The following SLC9B2 variants were observed in gnomAD, a reference collection of about 807,000 sequenced individuals.
SLC9B2 encodes the protein solute carrier family 9 member B2.
Under a neutral mutation model 52.2 loss-of-function variants are expected in SLC9B2, and 39 were observed. That is an observed-to-expected ratio of 0.75 (90% CI 0.58 to 0.98). SLC9B2 has a LOEUF of 0.98. SLC9B2 is among the 50% of genes least tolerant of loss of function. The pLI is 0.00. For synonymous variants in SLC9B2, 214 were observed against 227.0 expected, an observed-to-expected ratio of 0.94 and a Z score of 0.51; for missense variants, 626 against 637.5, an observed-to-expected ratio of 0.98 and a Z score of 0.19.
At position 103,026,120 on chromosome 4, in the gene SLC9B2, G is replaced by C. The variant is rs995390631; in HGVS notation, c.*250C>G. 2.8e-6 allele frequency: 1 copy of C among 363,540 alleles called. No individual in the cohort carries two copies. Among genetic ancestry groups the C allele is most frequent in the African/African-American group, 2.1e-5 (1 of 48,408 alleles). 22.5% of individuals were successfully genotyped at this position (363,540 alleles called of 1,614,324 possible). On this transcript the variant is annotated 3_prime_UTR_variant, in exon 12 of 12. Coordinates refer to ENST00000394785, the MANE Select transcript of SLC9B2 (RefSeq NM_178833.7). ...TAAACTGTGGTAGTACATTAAAGTA[G>C]ATATGTCCTTATGCAAATTAAGATG...
chr4:103,020,970 T>C (rs907550666), downstream of SLC9B2, among the ~76,000 whole-genome samples: 2 of 152,210 alleles, frequency 1.3e-5, no homozygotes, highest in African/African-American at 4.8e-5. Context: ...CAACGTGTTA[T>C]AGACATCTCA....
At chr4:103,069,699 C>T (rs925010027) in intron 1 of SLC9B2, among the ~76,000 whole-genome samples, 4 of 152,176 alleles carry the variant, frequency 2.6e-5, no homozygotes, top group African/African-American at 7.2e-5. Flanking sequence ...ACTTCTTGAT[C>T]AGGTGGATGT....
At chr4:103,050,995 A>G (rs927033281) in intron 4 of SLC9B2, among the ~76,000 whole-genome samples, 1 of 152,164 alleles carries the variant, frequency 6.6e-6, no homozygotes, top group African/African-American at 2.4e-5. Context: ...CATTTCAACA[A>G]GCTTTCAGCC....
chr4:103,052,993 C>T (rs563363919), intron 4 of SLC9B2, among the ~76,000 whole-genome samples: 29 of 152,176 alleles, frequency 1.9e-4, no homozygotes, highest in African/African-American at 6.3e-4. Context: ...CTAGGGCCTC[C>T]CCTGGTCATG....
intron 9 of SLC9B2, among the ~76,000 whole-genome samples, chr4:103,033,198 T>G (rs1464482084): frequency 6.6e-6 from 1 of 151,566 alleles, no homozygotes; most frequent in Non-Finnish European, 1.5e-5. Flanking sequence ...ACCAAAAAAG[T>G]GACAAACTAG....
intron 4 of SLC9B2, among the ~76,000 whole-genome samples, chr4:103,054,848 G>A (rs934173564): frequency 2.0e-5 from 3 of 152,120 alleles, no homozygotes; most frequent in Non-Finnish European, 1.5e-5. Context: ...CAGGGATCTA[G>A]AACTAGAAAT....
intron 3 of SLC9B2, among the ~76,000 whole-genome samples, chr4:103,061,337 T>C (rs905746193): frequency 2.0e-5 from 3 of 152,132 alleles, no homozygotes; most frequent in African/African-American, 7.2e-5. Flanking sequence ...TCATAAAAAA[T>C]GATGAGTTCA....
chr4:103,043,504 G>T, intron 8 of SLC9B2, 59 bp from the exon 9 acceptor site: 2 of 1,463,448 alleles, frequency 1.4e-6, no homozygotes, highest in Non-Finnish European at 1.9e-6. Flanking sequence ...TTTAATGATT[G>T]ATTTTTTCCA....
intron 5 of SLC9B2, 30 bp from the exon 6 acceptor site, chr4:103,049,050 A>G: frequency 6.2e-7 from 1 of 1,608,312 alleles, no homozygotes; most frequent in Non-Finnish European, 8.5e-7. Flanking sequence ...ATCCTAATAT[A>G]ATCCTCTGAA....
intron 10 of SLC9B2, among the ~76,000 whole-genome samples, chr4:103,029,925 T>C (rs1048449238): frequency 2.0e-5 from 3 of 152,152 alleles, no homozygotes; most frequent in Non-Finnish European, 1.5e-5. Context: ...CAGACAGACA[T>C]AGCGGGAGGA....
Position 103,050,382 on chromosome 4 carries a change from C to T in SLC9B2, c.443G>A (p.Gly148Asp). The stretch of plus-strand genomic sequence containing the variant: ...GATGAGAAACCCTGCAAGCAGCATG[C>T]CTTGAACGAAGAAATCAAACATATC... ...PTLPPLPSLLGMLLAGFLIRN... is the reference protein window; with the variant it reads ...PTLPPLPSLLDMLLAGFLIRN... The change falls in exon 5 of 12, where the codon GGC (glycine) becomes GAC (aspartate). Residue 148 changes from glycine (G) to aspartate (D), a missense_variant and splice_region_variant. Gly to Asp is a moderately conservative substitution (Grantham distance 94). Transcript: ENST00000394785. The T allele has an allele frequency of 1.3e-6, 2 of 1,573,254 alleles. No homozygotes were observed. Among genetic ancestry groups the T allele is most frequent in the Non-Finnish European group, 1.7e-6 (2 of 1,164,462 alleles).
Position 103,026,092 on chromosome 4 carries a change from C to T in SLC9B2, c.*278G>A, listed in dbSNP as rs1578434654. 1 of 235,468 alleles carries T rather than the reference C, an allele frequency of 4.2e-6. No homozygotes were observed. Among genetic ancestry groups the T allele is most frequent in the East Asian group, 8.6e-5 (1 of 11,670 alleles). The allele number at this position is 235,468 out of a possible 1,614,324, so 14.6% of individuals were successfully genotyped here. A position where few individuals can be genotyped will look rare whatever the true frequency, so the allele number is the denominator to read the frequency against. ...CTGAAGCTGGTCTTTCCCACATTAA[C>T]TGTAAACTGTGGTAGTACATTAAAG... On this transcript the variant is annotated 3_prime_UTR_variant, in exon 12 of 12. Transcript: ENST00000394785.
At chr4:103,070,181 T>C (rs565135741) in intron 1 of SLC9B2, among the ~76,000 whole-genome samples, 4 of 152,348 alleles carry the variant, frequency 2.6e-5, no homozygotes, top group African/African-American at 9.6e-5. Flanking sequence ...TGTTTCCATT[T>C]CTAAAAGACC....
chr4:103,071,297 C>T (rs1005150886), intron 1 of SLC9B2, among the ~76,000 whole-genome samples: 16 of 151,338 alleles, frequency 1.1e-4, no homozygotes, highest in African/African-American at 2.9e-4. Flanking sequence ...TCCGCCTCCT[C>T]GGTTCAAGTG....
At chr4:103,067,325 G>T in intron 2 of SLC9B2, 136 bp downstream of exon 2, 3 of 694,566 alleles carry the variant, frequency 4.3e-6, no homozygotes, top group Non-Finnish European at 7.5e-6. Flanking sequence ...TACAGGTAGG[G>T]TCAGCTGGCA....
chr4:103,068,291 T>C (rs1223120718), intron 1 of SLC9B2, among the ~76,000 whole-genome samples: 1 of 152,218 alleles, frequency 6.6e-6, no homozygotes, highest in Non-Finnish European at 1.5e-5. Context: ...CATTCTCCCT[T>C]GGCTTTCCAT....
chr4:103,073,429 G>C (rs977612441), intron 1 of SLC9B2, among the ~76,000 whole-genome samples: 6 of 152,094 alleles, frequency 3.9e-5, no homozygotes, highest in African/African-American at 1.2e-4. Flanking sequence ...CTGATCTAAT[G>C]GTCATTTCCC....
At chr4:103,034,278 T>G (rs10031510) in intron 9 of SLC9B2, among the ~76,000 whole-genome samples, 1 of 152,160 alleles carries the variant, frequency 6.6e-6, no homozygotes, top group Non-Finnish European at 1.5e-5. Flanking sequence ...GCTGGACCCC[T>G]TCCTTACAAC....
At position 103,026,556 on chromosome 4, in the gene SLC9B2, C is replaced by A. The variant is rs755422042; in HGVS notation, c.1428G>T (p.Arg476Ser). 1.9e-6 allele frequency: 3 copies of A among 1,613,698 alleles called. No homozygotes were observed. Among genetic ancestry groups the A allele is most frequent in the African/African-American group, 1.3e-5 (1 of 74,994 alleles). ...CTTCTAATTGTTTCTCTCCATGTGA[C>A]CTTGCTGTGTCCAAAGCCACAGATC... Reference protein sequence around the residue: ...AIGSVALDTARSHGEKQLEDY... With the variant: ...AIGSVALDTASSHGEKQLEDY... The change falls in exon 12 of 12, where the codon AGG becomes AGT. Residue 476 changes from arginine (R) to serine (S), a missense_variant. Arg to Ser is a moderately radical substitution (Grantham distance 110). Coordinates refer to ENST00000394785, the MANE Select transcript of SLC9B2 (RefSeq NM_178833.7).
Sources: gnomAD v4.1 joint callset for allele counts (sites outside exome capture counted in the v4.1 genomes callset) on GRCh38, gnomAD v4.1.1 for gene constraint, MANE v1.5 for transcripts, NCBI Gene and HGNC (gene_info 2026-07-23, HGNC 2026-07-21) for gene names.